Variants in MDN1 observed in about 807,000 individuals in gnomAD.
The protein encoded by MDN1 is midasin AAA ATPase 1.
A neutral mutation model predicts 669.2 loss-of-function variants in MDN1; 266 were observed. The observed-to-expected ratio is 0.40, with a 90% CI of 0.36 to 0.44. The LOEUF (loss-of-function observed/expected upper bound fraction) is 0.44, where lower values mean the gene tolerates loss of function less well. Among genes scored for constraint, MDN1 ranks in the 20% least tolerant of loss-of-function variants. The probability of loss-of-function intolerance (pLI) is 1.00; values close to 1 mark genes in which losing one functional copy is unlikely to be tolerated. For synonymous variants in MDN1, 2,385 were observed against 2,457.1 expected, an observed-to-expected ratio of 0.97 and a Z score of 0.87; for missense variants, 5,940 against 6,754.0, an observed-to-expected ratio of 0.88 and a Z score of 4.22.
At chr6:89,775,254 T>C (rs1818297987) in intron 12 of MDN1, among the ~76,000 whole-genome samples, 1 of 152,194 alleles carries the variant, frequency 6.6e-6, no homozygotes, top group African/African-American at 2.4e-5. Context: ...CAAACTGCTC[T>C]GGGAAAAGTG....
rs969158310 is a variant in MDN1, at chr6:89,643,213, C to T, written c.*792G>A. The stretch of plus-strand genomic sequence containing the variant: ...TGTGAGGAATCACTCTTCCCCTTGA[C>T]TGTTAAGAAAAAAAAAAATGAACTA... On this transcript the variant is annotated 3_prime_UTR_variant, in exon 102 of 102. Transcript: ENST00000369393. The T allele has an allele frequency of 2.0e-5, 3 of 151,732 alleles. No individual in the cohort carries two copies. The highest frequency in any genetic ancestry group is 7.3e-5 in the African/African-American group (3 of 41,258). 9.4% of individuals were successfully genotyped at this position (151,732 alleles called of 1,614,324 possible). A position where few individuals can be genotyped will look rare whatever the true frequency, so the allele number is the denominator to read the frequency against.
At chr6:89,645,644 A>AT (rs1469120517) in intron 100 of MDN1, among the ~76,000 whole-genome samples, 2 of 152,154 alleles carry the variant, frequency 1.3e-5, no homozygotes, top group African/African-American at 4.8e-5. Flanking sequence ...TAATTTCTAT[A>AT]TTTTTTTGCC....
intron 2 of MDN1, among the ~76,000 whole-genome samples, chr6:89,796,836 A>T (rs1036394187): frequency 1.3e-5 from 2 of 152,036 alleles, no homozygotes; most frequent in Admixed American, 1.3e-4. Context: ...TGGGAGGCTG[A>T]GGCGGGTGGA....
rs544290293 is a variant in MDN1, at chr6:89,785,145, A to C, written c.1335-19T>G. The C allele has an allele frequency of 6.3e-7, 1 of 1,580,868 alleles. No individual in the cohort carries two copies. Among genetic ancestry groups the C allele is most frequent in the East Asian group, 2.2e-5 (1 of 44,726 alleles). On this transcript the variant is annotated intron_variant, in intron 8 of 101. Transcript: ENST00000369393. ...CAAGAGTCTACGTTTCAAAATAAAA[A>C]ACACAGTCACACAAAATTCCAAATT...
rs1813186615 is a variant in MDN1, at chr6:89,701,915, A to G, written c.8295T>C (p.Asn2765=). Residue 2765 remains asparagine (N), a synonymous_variant, in exon 54 of 102, where the codon AAT becomes AAC. Coordinates refer to ENST00000369393, the MANE Select transcript of MDN1 (RefSeq NM_014611.3). ...LVHQIPRLLM[N]YEDKYYKEVQ... ...AATATGAATCTTACTTGTCTTCATA[A>G]TTCATCAGAAGTCGGGGGATCTGGT... 1 of 1,611,646 alleles carries G rather than the reference A, an allele frequency of 6.2e-7. No individual in the cohort carries two copies. The highest frequency in any genetic ancestry group is 1.3e-5 in the African/African-American group (1 of 74,732).
At chr6:89,658,420 T>C (rs1373580372) in intron 89 of MDN1, 50 bp from the exon 90 acceptor site, 1 of 1,610,100 alleles carries the variant, frequency 6.2e-7, no homozygotes, top group Non-Finnish European at 8.5e-7. Flanking sequence ...GGGAACAGCA[T>C]AAGGTGGGAG....
Position 89,700,068 on chromosome 6 carries a change from G to C in MDN1, c.8865C>G (p.Leu2955=). ...CAACTGAAAGCATGGTTTACCTTCT[G>C]AGACAAGCTTGTGCCATAAAATCAG... ...VTADFMAQAC[L]RRCSKNQQPQ... The change falls in exon 57 of 102, where the codon CTC becomes CTG. Residue 2955 remains leucine (L), a synonymous_variant. Transcript: ENST00000369393. The C allele has an allele frequency of 6.2e-7, 1 of 1,613,790 alleles. No homozygotes were observed. The highest frequency in any genetic ancestry group is 8.5e-7 in the Non-Finnish European group (1 of 1,179,716).
chr6:89,795,677 G>A (rs1819548590), intron 2 of MDN1, among the ~76,000 whole-genome samples: 1 of 151,122 alleles, frequency 6.6e-6, no homozygotes, highest in Non-Finnish European at 1.5e-5. Context: ...GACAGGGCTG[G>A]GTGTGGTGGC....
chr6:89,766,987 T>C (rs895559673), intron 15 of MDN1, among the ~76,000 whole-genome samples: 2 of 152,172 alleles, frequency 1.3e-5, no homozygotes, highest in Admixed American at 6.5e-5. Context: ...TATCACTGTT[T>C]CTCCCTCAGA....
chr6:89,729,677 G>GGT (rs1554187849), intron 35 of MDN1, among the ~76,000 whole-genome samples: 1 of 100,758 alleles, frequency 9.9e-6, no homozygotes, highest in Admixed American at 1.2e-4. Context: ...TTTTGTTTTC[G>GGT]TTTTTTTTTT....
intron 33 of MDN1, among the ~76,000 whole-genome samples, chr6:89,737,449 T>C (rs2128316322): frequency 6.6e-6 from 1 of 152,278 alleles, no homozygotes; most frequent in South Asian, 2.1e-4. Flanking sequence ...TATTTAGTCT[T>C]GGAACCAGAT....
At chr6:89,725,684 T>C (rs1815170789) in intron 37 of MDN1, among the ~76,000 whole-genome samples, 2 of 150,652 alleles carry the variant, frequency 1.3e-5, no homozygotes, top group Admixed American at 6.6e-5. Context: ...GATCCTCCCA[T>C]CTCAGCCTGC....
At chr6:89,785,960 C>T (rs1818934493) in intron 8 of MDN1, among the ~76,000 whole-genome samples, 2 of 151,564 alleles carry the variant, frequency 1.3e-5, no homozygotes, top group Admixed American at 1.3e-4. Flanking sequence ...AAATTGAGGC[C>T]TCATCTCTAA....
At position 89,791,287 on chromosome 6, in the gene MDN1, C is replaced by T. The variant is rs149525816; in HGVS notation, c.856-886G>A. Among the ~76,000 whole-genome samples the T allele has an allele frequency of 4.6e-3, 694 of 152,118 alleles. 18 individuals carry two copies. Among genetic ancestry groups the T allele is most frequent in the Admixed American group, 0.043 (654 of 15,270 alleles). On this transcript the variant is annotated intron_variant, in intron 5 of 101. Transcript: ENST00000369393. ...TTCTAGGATTTCCCATCTAAGATCA[C>T]AAATATACACAATACATTTAGAAGA...
At position 89,672,556 on chromosome 6, in the gene MDN1, C is replaced by G; in HGVS notation, c.13621G>C (p.Glu4541Gln). The G allele has an allele frequency of 1.2e-6, 2 of 1,612,510 alleles. No homozygotes were observed. The highest frequency in any genetic ancestry group is 1.7e-6 in the Non-Finnish European group (2 of 1,179,558). The change falls in exon 81 of 102, where the codon GAA becomes CAA. Residue 4541 changes from glutamate to glutamine, a missense_variant. Physicochemically the swap from Glu to Gln is conservative, Grantham distance 29 (BLOSUM62 2). Transcript: ENST00000369393. ...CTGATTTCAGACATACCATAATCTT[C>G]TTGTGGGCTTGCTTGGTCAGTGTTC... is the stretch of plus-strand genomic sequence containing the variant. ...EENTDQASPQ[E>Q]DYAGFERLQS...
intron 15 of MDN1, among the ~76,000 whole-genome samples, chr6:89,770,377 C>T (rs1377270303): frequency 6.1e-5 from 9 of 146,650 alleles, no homozygotes; most frequent in Non-Finnish European, 5.9e-5. Context: ...GCACTCCAGC[C>T]GTGACAGAGC....
At chr6:89,660,274 C>T (rs1244697695) in intron 88 of MDN1, among the ~76,000 whole-genome samples, 1 of 152,190 alleles carries the variant, frequency 6.6e-6, no homozygotes, top group Non-Finnish European at 1.5e-5. Flanking sequence ...CAGCCTCAAC[C>T]TCCTGAGCTC....
chr6:89,644,188 A>G lies in MDN1; in HGVS notation c.16608T>C (p.Ser5536=). ...ATATCGGTACTTTAATGTCCAAGATAGAATCCTGTCAACAAAAGACATTTT... is the reference window on the plus strand; with the variant it reads ...ATATCGGTACTTTAATGTCCAAGATGGAATCCTGTCAACAAAAGACATTTT... ...VVLDNPSSRD[S]ILDIKVPIFK... Residue 5536 remains serine, a synonymous_variant, in exon 102 of 102, where the codon TCT becomes TCC. Transcript: ENST00000369393. The G allele has an allele frequency of 6.2e-7, 1 of 1,606,794 alleles. No individual in the cohort carries two copies. The highest frequency in any genetic ancestry group is 8.5e-7 in the Non-Finnish European group (1 of 1,176,944).
chr6:89,671,144 G>C, intron 82 of MDN1, 64 bp from the exon 83 acceptor site: 2 of 1,534,588 alleles, frequency 1.3e-6, no homozygotes, highest in Non-Finnish European at 1.8e-6. Context: ...TTTCCATTCT[G>C]GAACTAGATA....
Sources: allele counts gnomAD v4.1 joint callset (sites outside exome capture counted in the v4.1 genomes callset), GRCh38; gene constraint gnomAD v4.1.1; transcripts MANE v1.5; gene names NCBI Gene and HGNC (gene_info 2026-07-23, HGNC 2026-07-21).